The following FHIT variants were observed in gnomAD, a reference collection of about 807,000 sequenced individuals.
FHIT encodes fragile histidine triad diadenosine triphosphatase, also known as bis(5'-adenosyl)-triphosphatase.
A neutral mutation model predicts 17.9 loss-of-function variants in FHIT; 19 were observed. The observed-to-expected ratio is 1.06, with a 90% CI of 0.74 to 1.56. The LOEUF is 1.56. FHIT is among the 40% of genes most tolerant of loss of function. The pLI is 0.00. For synonymous variants in FHIT, 81 were observed against 69.7 expected (o/e 1.16, Z -0.81); for missense variants, 248 against 189.2 (o/e 1.31, Z -1.82).
chr3:60,087,654 A>G (rs1703551850), intron 5 of FHIT, among the ~76,000 whole-genome samples: 1 of 152,178 alleles, frequency 6.6e-6, no homozygotes, highest in Non-Finnish European at 1.5e-5. Flanking sequence ...GCCCTAGGAC[A>G]TGGACACGAT....
intron 5 of FHIT, among the ~76,000 whole-genome samples, chr3:60,524,112 C>G (rs566975248): frequency 6.6e-6 from 1 of 152,152 alleles, no homozygotes; most frequent in South Asian, 2.1e-4. Flanking sequence ...ATGAGCCTGG[C>G]CCTGCCCAGG....
At chr3:60,079,586 C>G (rs965176436) in intron 5 of FHIT, among the ~76,000 whole-genome samples, 1 of 151,946 alleles carries the variant, frequency 6.6e-6, no homozygotes, top group Non-Finnish European at 1.5e-5. Context: ...CACTCATATG[C>G]CACCCACTCC....
chr3:61,203,979 T>C (rs1017049161), intron 1 of FHIT, among the ~76,000 whole-genome samples: 1 of 152,232 alleles, frequency 6.6e-6, no homozygotes, highest in African/African-American at 2.4e-5. Flanking sequence ...ATAAACACTT[T>C]TTTTACATAT....
chr3:60,530,840 A>G (rs750044347), intron 5 of FHIT, among the ~76,000 whole-genome samples: 1 of 152,344 alleles, frequency 6.6e-6, no homozygotes, highest in African/African-American at 2.4e-5. Context: ...ACAGCATCCA[A>G]TAACTTCCTT....
chr3:59,973,803 T>A (rs1708290452), intron 7 of FHIT, among the ~76,000 whole-genome samples: 1 of 152,092 alleles, frequency 6.6e-6, no homozygotes, highest in South Asian at 2.1e-4. Context: ...CTCAGCCCAC[T>A]GATTTCTGGC....
intron 5 of FHIT, among the ~76,000 whole-genome samples, chr3:60,347,608 C>T (rs1204157609): frequency 3.7e-5 from 5 of 135,506 alleles, no homozygotes; most frequent in Non-Finnish European, 7.6e-5. Flanking sequence ...TCTACAGCCC[C>T]GAGATGATTC....
chr3:60,439,277 G>T lies in FHIT; in HGVS notation c.103+97583C>A, dbSNP rs74433676. 8.0e-3 allele frequency among the ~76,000 whole-genome samples: 1,217 copies of T among 152,200 alleles called. 16 individuals are homozygous for T. The highest frequency in any genetic ancestry group is 0.028 in the African/African-American group (1,151 of 41,534). ...TAGAACCAAGAATTACCAAACAGAT[G>T]CACATTATAATGTCCTAAAAACATT... On this transcript the variant is annotated intron_variant, in intron 5 of 9. Coordinates refer to ENST00000492590, the MANE Select transcript of FHIT (RefSeq NM_002012.4).
chr3:59,964,112 C>A (rs1707813629), intron 7 of FHIT, among the ~76,000 whole-genome samples: 1 of 152,038 alleles, frequency 6.6e-6, no homozygotes, highest in Non-Finnish European at 1.5e-5. Context: ...GTAAGCTGAC[C>A]CATAACAATT....
intron 4 of FHIT, among the ~76,000 whole-genome samples, chr3:60,711,441 T>A (rs563871566): frequency 6.6e-6 from 1 of 152,282 alleles, no homozygotes; most frequent in East Asian, 1.9e-4. Flanking sequence ...CTTTGACAAG[T>A]TGAGAGAAGA....
chr3:60,954,712 A>G (rs185063060), intron 3 of FHIT, among the ~76,000 whole-genome samples: 1 of 152,334 alleles, frequency 6.6e-6, no homozygotes, highest in East Asian at 1.9e-4. Flanking sequence ...GTTAGCTGCA[A>G]ATTGGATAAT....
At chr3:60,820,692 G>T (rs1275481712) in intron 4 of FHIT, among the ~76,000 whole-genome samples, 2 of 152,216 alleles carry the variant, frequency 1.3e-5, no homozygotes, top group African/African-American at 4.8e-5. Flanking sequence ...ACATTGTAAA[G>T]TGGATACAGG....
chr3:60,691,720 G>C (rs1276062317), intron 4 of FHIT, among the ~76,000 whole-genome samples: 1 of 152,100 alleles, frequency 6.6e-6, no homozygotes, highest in Non-Finnish European at 1.5e-5. Flanking sequence ...GACTTCAATT[G>C]TGTTATGACA....
At chr3:59,819,624 A>G (rs1166588673) in intron 8 of FHIT, among the ~76,000 whole-genome samples, 1 of 152,140 alleles carries the variant, frequency 6.6e-6, no homozygotes, top group Non-Finnish European at 1.5e-5. Context: ...ATTTTTCTGT[A>G]TATTTGCACA....
At chr3:61,104,722 G>T (rs1444148584) in intron 2 of FHIT, among the ~76,000 whole-genome samples, 1 of 152,150 alleles carries the variant, frequency 6.6e-6, no homozygotes, top group African/African-American at 2.4e-5. Context: ...CACAGATTTG[G>T]TCTCTTCACA....
intron 4 of FHIT, among the ~76,000 whole-genome samples, chr3:60,672,653 A>G (rs1391641013): frequency 6.6e-6 from 1 of 152,202 alleles, no homozygotes; most frequent in Non-Finnish European, 1.5e-5. Context: ...GAGGCCTGAC[A>G]GTATCCATAT....
chr3:60,499,850 C>G (rs2034452603), intron 5 of FHIT, among the ~76,000 whole-genome samples: 1 of 152,148 alleles, frequency 6.6e-6, no homozygotes, highest in African/African-American at 2.4e-5. Context: ...TTCCCTACCA[C>G]TCTGTCTCAA....
At chr3:59,865,910 C>T (rs1702627362) in intron 8 of FHIT, among the ~76,000 whole-genome samples, 2 of 152,184 alleles carry the variant, frequency 1.3e-5, no homozygotes, top group African/African-American at 4.8e-5. Flanking sequence ...AAAGTGGATC[C>T]AGTGCCTTCT....
intron 1 of FHIT, among the ~76,000 whole-genome samples, chr3:61,209,556 T>C (rs1162675813): frequency 6.6e-6 from 1 of 152,046 alleles, no homozygotes; most frequent in African/African-American, 2.4e-5. Context: ...TCTCGCTTCA[T>C]TTCATTCGTC....
At chr3:60,904,590 G>A (rs1706299341) in intron 3 of FHIT, among the ~76,000 whole-genome samples, 1 of 151,856 alleles carries the variant, frequency 6.6e-6, no homozygotes, top group Non-Finnish European at 1.5e-5. Flanking sequence ...GTGCATGATA[G>A]GAGAAAATAT....
Sources: allele counts gnomAD v4.1 joint callset (sites outside exome capture counted in the v4.1 genomes callset), GRCh38; gene constraint gnomAD v4.1.1; transcripts MANE v1.5; gene names NCBI Gene and HGNC (gene_info 2026-07-23, HGNC 2026-07-21).